PKHD1: variants seen among roughly 807,000 people sequenced by gnomAD.
PKHD1 encodes the protein fibrocystin.
A neutral mutation model predicts 412.0 loss-of-function variants in PKHD1; 291 were observed. The observed-to-expected ratio is 0.71, with a 90% confidence interval of 0.64 to 0.78. The LOEUF (loss-of-function observed/expected upper bound fraction) is 0.78. Ranked by LOEUF, PKHD1 falls within the 30% of genes least tolerant of loss-of-function variation. The pLI is 0.00. For missense variants in PKHD1, 4,825 were observed against 4,950.7 expected (o/e 0.97, Z 0.76); for synonymous variants, 1,777 against 1,821.5 (o/e 0.98, Z 0.62).
intron 37 of PKHD1, among the ~76,000 whole-genome samples, chr6:51,922,735 G>C (rs1339222783): frequency 1.3e-5 from 2 of 152,210 alleles, no homozygotes; most frequent in Admixed American, 6.5e-5. Flanking sequence ...ATGGGCATGG[G>C]ACCCTCCGAG....
chr6:52,082,448 A>C lies in PKHD1; in HGVS notation c.225T>G (p.Val75=). The change falls in exon 4 of 67, where the codon GTT becomes GTG. Residue 75 remains valine, a synonymous_variant. Transcript: ENST00000371117. ...AGAAAACAGGAAAGACGTCACAGGG[A>C]ACACTCCGCAGTGCGGGCACCACCA... The part of the protein sequence containing the change: ...VNMVVPALRS[V]PCDVFPVFLD... The C allele has an allele frequency of 6.2e-7, 1 of 1,614,132 alleles. No homozygotes were observed. Among genetic ancestry groups the C allele is most frequent in the Non-Finnish European group, 8.5e-7 (1 of 1,179,988 alleles).
At chr6:51,901,517 T>C (rs1265350211) in intron 43 of PKHD1, among the ~76,000 whole-genome samples, 4 of 150,252 alleles carry the variant, frequency 2.7e-5, no homozygotes, top group African/African-American at 9.7e-5. Context: ...CTGGGGACTG[T>C]TGTGGGGTGG....
chr6:52,035,586 C>T lies in PKHD1; in HGVS notation c.3228+5G>A, dbSNP rs750453025. 3.1e-6 allele frequency: 5 copies of T among 1,613,662 alleles called. No homozygotes were observed. The highest frequency in any genetic ancestry group is 2.2e-5 in the East Asian group (1 of 44,872). On this transcript the variant is annotated splice_donor_5th_base_variant and intron_variant, in intron 28 of 66. Coordinates refer to ENST00000371117, the MANE Select transcript of PKHD1 (RefSeq NM_138694.4). The stretch of plus-strand genomic sequence containing the variant: ...GAGAAAGAGATATGAAAGGAATCCA[C>T]TTACCCTGGGTGGAACTTTGCACTG...
chr6:51,891,712 A>AACACAC (rs58262423), intron 43 of PKHD1, among the ~76,000 whole-genome samples: 5,301 of 143,790 alleles, frequency 0.037, 114 homozygotes, highest in Non-Finnish European at 0.05. Flanking sequence ...TTCCACAAGG[A>AACACAC]ACACACACAC....
At chr6:51,841,136 T>C (rs1770113038) in intron 50 of PKHD1, among the ~76,000 whole-genome samples, 1 of 152,136 alleles carries the variant, frequency 6.6e-6, no homozygotes, top group African/African-American at 2.4e-5. Context: ...TTTTTTCTTA[T>C]AAATTGAAAG....
At chr6:51,962,197 G>A (rs759073356) in intron 35 of PKHD1, among the ~76,000 whole-genome samples, 4 of 152,152 alleles carry the variant, frequency 2.6e-5, no homozygotes, top group South Asian at 2.1e-4. Context: ...GCAGCATAAC[G>A]CTTTCTGAGA....
chr6:51,742,301 T>C (rs1453392686), intron 60 of PKHD1, among the ~76,000 whole-genome samples: 1 of 152,224 alleles, frequency 6.6e-6, no homozygotes, highest in Admixed American at 6.5e-5. Flanking sequence ...AATACTGTAG[T>C]CCTTACAGCT....
intron 58 of PKHD1, 39 bp downstream of exon 58, chr6:51,747,748 T>C (rs1785401227): frequency 6.4e-7 from 1 of 1,565,648 alleles, no homozygotes; most frequent in Non-Finnish European, 8.8e-7. Context: ...TGCATGGATG[T>C]ATGAAATGGC....
At chr6:51,796,050 T>C (rs749013512) in intron 52 of PKHD1, among the ~76,000 whole-genome samples, 22 of 152,194 alleles carry the variant, frequency 1.4e-4, no homozygotes, top group Non-Finnish European at 2.8e-4. Flanking sequence ...AGTCCTTCCT[T>C]TTTAATTCTT....
intron 60 of PKHD1, among the ~76,000 whole-genome samples, chr6:51,670,976 T>G (rs956952314): frequency 2.6e-5 from 4 of 152,008 alleles, no homozygotes; most frequent in African/African-American, 9.7e-5. Context: ...TGGCTGCCCT[T>G]AACATTTTTT....
At chr6:51,926,490 G>C (rs1372239149) in intron 37 of PKHD1, among the ~76,000 whole-genome samples, 1 of 152,094 alleles carries the variant, frequency 6.6e-6, no homozygotes, top group African/African-American at 2.4e-5. Context: ...AGTATATATA[G>C]AAACTTGAAG....
rs1351309760 is a variant in PKHD1, at chr6:51,975,635, A to AAAC, written c.5752-15610_5752-15609insGTT. The AAAC allele has an allele frequency of 2.0e-5, 3 of 151,288 alleles. No individual in the cohort carries two copies. The East Asian group carries it at 5.8e-4, about 29-fold the overall frequency. The allele number at this position is 151,288 out of a possible 1,614,324, so 9.4% of individuals were successfully genotyped here. ...GGACAGCTATCAGCCATAAAAAAAAAAAAAAACAAAAAGAAAAAGAAAGTG... is the reference window on the plus strand; with the variant it reads ...GGACAGCTATCAGCCATAAAAAAAAAAACAAAAAACAAAAAGAAAAAGAAAGTG... On this transcript the variant is annotated intron_variant, in intron 35 of 66. Transcript: ENST00000371117.
In PKHD1 at chr6:51,911,844, T is replaced by A; in HGVS notation, c.6445A>T (p.Arg2149Trp). ...ITIQGNLTNEREKLLVSCQEA... is the reference protein window; with the variant it reads ...ITIQGNLTNEWEKLLVSCQEA... ...TGGCATGAAACAAGCAGCTTCTCCC[T>A]CTCATTAGTGAGATTTCCTTGTATG... Residue 2149 changes from arginine to tryptophan, a missense_variant, in exon 39 of 67, where the codon AGG (arginine) becomes TGG (tryptophan). Coordinates refer to ENST00000371117, the MANE Select transcript of PKHD1 (RefSeq NM_138694.4). 2 of 1,613,008 alleles carry A rather than the reference T, an allele frequency of 1.2e-6. No individual in the cohort carries two copies. The highest frequency in any genetic ancestry group is 1.7e-6 in the Non-Finnish European group (2 of 1,179,186).
At chr6:51,658,337 A>C (rs1772229264) in intron 61 of PKHD1, among the ~76,000 whole-genome samples, 1 of 152,114 alleles carries the variant, frequency 6.6e-6, no homozygotes, top group South Asian at 2.1e-4. Context: ...AAACACAAAA[A>C]CACTAGCTAA....
intron 60 of PKHD1, among the ~76,000 whole-genome samples, chr6:51,730,244 T>C (rs977145459): frequency 1.3e-5 from 2 of 152,192 alleles, no homozygotes; most frequent in African/African-American, 2.4e-5. Context: ...AATTTTTAAA[T>C]CTACCCACGT....
At chr6:51,692,676 C>T (rs575001050) in intron 60 of PKHD1, among the ~76,000 whole-genome samples, 1 of 152,246 alleles carries the variant, frequency 6.6e-6, no homozygotes, top group East Asian at 1.9e-4. Flanking sequence ...CTGACAGATG[C>T]ATAAGTTTTC....
At chr6:51,889,270 G>C (rs955325029) in intron 43 of PKHD1, among the ~76,000 whole-genome samples, 1 of 152,072 alleles carries the variant, frequency 6.6e-6, no homozygotes, top group South Asian at 2.1e-4. Context: ...AAAGAGAATG[G>C]GGAGTCATAA....
intron 65 of PKHD1, among the ~76,000 whole-genome samples, chr6:51,627,861 T>C (rs893104095): frequency 3.9e-5 from 6 of 152,154 alleles, no homozygotes; most frequent in Non-Finnish European, 7.4e-5. Context: ...AATTCATTCA[T>C]CTAAAATATA....
chr6:52,039,102 T>C lies in PKHD1; in HGVS notation c.3098-3381A>G, dbSNP rs79017164. The stretch of plus-strand genomic sequence containing the variant: ...GAATAAGCATTTCTACAAAGATGTA[T>C]AAATGGCCAATAAGCACATGAAAAG... On this transcript the variant is annotated intron_variant, in intron 27 of 66. Transcript: ENST00000371117. 2.0e-3 allele frequency among the ~76,000 whole-genome samples: 306 copies of C among 152,326 alleles called. 2 individuals are homozygous for C. Among genetic ancestry groups the C allele is most frequent in the African/African-American group, 7.3e-3 (303 of 41,576 alleles).
Sources: allele counts gnomAD v4.1 joint callset (sites outside exome capture counted in the v4.1 genomes callset), GRCh38; gene constraint gnomAD v4.1.1; transcripts MANE v1.5; gene names NCBI Gene and HGNC (gene_info 2026-07-23, HGNC 2026-07-21).